The following INTS6 variants were observed in gnomAD, a reference collection of about 807,000 sequenced individuals.
INTS6 encodes integrator complex subunit 6, also known as DEAD box protein.
A neutral mutation model predicts 104.9 loss-of-function variants in INTS6; 16 were observed. The observed-to-expected ratio is 0.15, with a 90% CI of 0.10 to 0.23. The LOEUF is 0.23. INTS6 is among the 10% of genes least tolerant of loss of function. INTS6 has a pLI of 1.00. For synonymous variants in INTS6, 324 were observed against 358.7 expected, an observed-to-expected ratio of 0.90 and a Z score of 1.09; for missense variants, 584 against 1,062.8, an observed-to-expected ratio of 0.55 and a Z score of 6.26.
chr13:51,434,107 A>G (rs1412413053), intron 3 of INTS6, among the ~76,000 whole-genome samples: 1 of 152,180 alleles, frequency 6.6e-6, no homozygotes, highest in Non-Finnish European at 1.5e-5. Flanking sequence ...TGCCATATTT[A>G]CCCAACAAGG....
chr13:51,350,855 G>A (rs147650381), downstream of INTS6, among the ~76,000 whole-genome samples: 3 of 152,064 alleles, frequency 2.0e-5, no homozygotes, highest in Admixed American at 6.6e-5. Flanking sequence ...TTGCCTATTC[G>A]AGAATTTCAT....
At chr13:51,357,501 C>G (rs1955497945), downstream of INTS6, among the ~76,000 whole-genome samples, 2 of 152,142 alleles carry the variant, frequency 1.3e-5, no homozygotes, top group Non-Finnish European at 2.9e-5. Flanking sequence ...ACCACCACAG[C>G]AAACATTTGG....
rs896694602 is a variant in INTS6 at position 51,452,729 on chromosome 13, G to C, written c.-204C>G. The C allele has an allele frequency of 1.6e-6, 2 of 1,264,674 alleles. No individual in the cohort carries two copies. The highest frequency in any genetic ancestry group is 2.0e-6 in the Non-Finnish European group (2 of 1,002,456). 78.3% of individuals were successfully genotyped at this position (1,264,674 alleles called of 1,614,324 possible). A position where few individuals can be genotyped will look rare whatever the true frequency, so the allele number is the denominator to read the frequency against. On this transcript the variant is annotated 5_prime_UTR_variant, in exon 1 of 18. Transcript: ENST00000311234. The surrounding 1 kb of genome is among the most constrained non-coding windows in gnomAD (Gnocchi z 4.2). ...AAACTCCCCAGACCCAGTGCTCCCC[G>C]TCGTACCCCCGCCTCCGCCTCCTCC...
intron 3 of INTS6, 29 bp downstream of exon 3, chr13:51,450,996 C>G (rs1298105737): frequency 6.8e-7 from 1 of 1,463,024 alleles, no homozygotes. Context: ...GAAAAATCAA[C>G]TATTTTGCCA....
chr13:51,394,206 T>C (rs1956294139), intron 5 of INTS6, among the ~76,000 whole-genome samples: 1 of 151,930 alleles, frequency 6.6e-6, no homozygotes, highest in South Asian at 2.1e-4. Flanking sequence ...AGGTTATCCC[T>C]AAAAAAAATT....
chr13:51,452,096 C>A lies in INTS6; in HGVS notation c.112-41G>T, dbSNP rs1346326001. On this transcript the variant is annotated intron_variant, in intron 1 of 17. Coordinates refer to ENST00000311234, the MANE Select transcript of INTS6 (RefSeq NM_012141.3). The surrounding 1 kb of genome is among the most constrained non-coding windows in gnomAD (Gnocchi z 4.2). ...AGGAACAGGGCGGGCGACAGGGAAG[C>A]ACAGAGGCGAGGTTACGAGGCGGAG... The A allele has an allele frequency of 6.3e-7, 1 of 1,581,164 alleles. No individual in the cohort carries two copies. Among genetic ancestry groups the A allele is most frequent in the Non-Finnish European group, 8.7e-7 (1 of 1,155,406 alleles).
chr13:51,417,677 G>A (rs1243788753), intron 4 of INTS6, among the ~76,000 whole-genome samples: 4 of 152,048 alleles, frequency 2.6e-5, no homozygotes, highest in East Asian at 1.9e-4. Flanking sequence ...GGCTGGTCTC[G>A]AACTCCTGAG....
chr13:51,348,250 G>A, the INTS6 span: 47 of 1,603,786 alleles, frequency 2.9e-5, no homozygotes, highest in South Asian at 5.3e-4. Flanking sequence ...AGGTGGGGGT[G>A]CTGGAGCTTC....
chr13:51,450,796 A>C (rs780284092), intron 3 of INTS6: 4 of 1,159,506 alleles, frequency 3.4e-6, no homozygotes, highest in African/African-American at 3.2e-5. Context: ...CTTTATAGCA[A>C]AAGTTTCAGA....
chr13:51,451,783 C>G (rs1299866121), intron 2 of INTS6, among the ~76,000 whole-genome samples, 195 bp downstream of exon 2: 5 of 150,288 alleles, frequency 3.3e-5, no homozygotes, highest in Non-Finnish European at 7.4e-5. Context: ...GCGGTGGCCC[C>G]GCGACTCCGC....
Position 51,383,687 on chromosome 13 carries a change from T to A in INTS6, c.949A>T (p.Met317Leu). Residue 317 changes from methionine (M) to leucine (L), a missense_variant, in exon 8 of 18, where the codon ATG (methionine) becomes TTG (leucine). Coordinates refer to ENST00000311234, the MANE Select transcript of INTS6 (RefSeq NM_012141.3). The part of the protein sequence containing the change: ...VKFSCTDCEP[M>L]VIDKLPFDKY... Reference sequence around the variant, plus strand: ...TCAAAAGGAAGTTTATCAATAACCATTGGTTCACAGTCTGTACAGGAAAAC... The same window carrying A: ...TCAAAAGGAAGTTTATCAATAACCAATGGTTCACAGTCTGTACAGGAAAAC... The A allele has an allele frequency of 6.2e-7, 1 of 1,613,876 alleles. No individual in the cohort carries two copies. Among genetic ancestry groups the A allele is most frequent in the Non-Finnish European group, 8.5e-7 (1 of 1,179,854 alleles).
At chr13:51,429,401 T>C (rs1184714580) in intron 4 of INTS6, among the ~76,000 whole-genome samples, 5 of 152,108 alleles carry the variant, frequency 3.3e-5, no homozygotes, top group Admixed American at 3.3e-4. Flanking sequence ...AAATCTATTA[T>C]ATTCATTATA....
rs1955628074 is a variant in INTS6, at chr13:51,363,640, A to G, written c.*2112T>C. 1 of 151,982 alleles carries G rather than the reference A, an allele frequency of 6.6e-6. No homozygotes were observed. The highest frequency in any genetic ancestry group is 1.5e-5 in the Non-Finnish European group (1 of 67,950). 9.4% of individuals were successfully genotyped at this position (151,982 alleles called of 1,614,324 possible). On this transcript the variant is annotated 3_prime_UTR_variant, in exon 18 of 18. Transcript: ENST00000311234. ...GATGTATTTCCCTTCCCCTTTGACA[A>G]TAATTCTACAACAAGTATTCTAATT...
At chr13:51,344,559 C>A in the INTS6 span, 2 of 1,249,378 alleles carry the variant, frequency 1.6e-6, no homozygotes, top group South Asian at 1.3e-5. Context: ...CATCACTTGT[C>A]AGAGGCCATG....
At chr13:51,348,120 C>T in the INTS6 span, 2 of 954,744 alleles carry the variant, frequency 2.1e-6, no homozygotes, top group Non-Finnish European at 3.1e-6. Context: ...TTATTGTTTC[C>T]AGTCCTCTGA....
At chr13:51,384,613 T>C (rs1390559900) in intron 7 of INTS6, 1 of 456,534 alleles carries the variant, frequency 2.2e-6, no homozygotes, top group East Asian at 6.9e-5. Context: ...TACAATTTGT[T>C]TCTTCTCCCC....
At chr13:51,444,533 G>T (rs2138154748) in intron 3 of INTS6, 1 of 151,954 alleles carries the variant, frequency 6.6e-6, no homozygotes, top group Non-Finnish European at 1.5e-5. Context: ...CGGATCACCT[G>T]AGGTCAGGAG....
At chr13:51,384,487 T>C (rs2137925002) in intron 7 of INTS6, 3 of 380,108 alleles carry the variant, frequency 7.9e-6, no homozygotes, top group South Asian at 4.0e-5. Context: ...TTACTGCTTA[T>C]ACCCTGGTGG....
At chr13:51,350,209 T>C (rs1414927015), downstream of INTS6, among the ~76,000 whole-genome samples, 1 of 152,140 alleles carries the variant, frequency 6.6e-6, no homozygotes, top group African/African-American at 2.4e-5. Context: ...AGGTTAGACA[T>C]CACCAAGCAG....
Sources: gnomAD v4.1 joint callset for allele counts (sites outside exome capture counted in the v4.1 genomes callset) on GRCh38, gnomAD v4.1.1 for gene constraint, Gnocchi (gnomAD v3.1) non-coding constraint, MANE v1.5 for transcripts, NCBI Gene and HGNC (gene_info 2026-07-23, HGNC 2026-07-21) for gene names.